The following ATL2 variants were observed in gnomAD, a reference collection of about 807,000 sequenced individuals.
ATL2 encodes atlastin GTPase 2.
Under a neutral mutation model 73.9 loss-of-function variants are expected in ATL2, and 31 were observed. The observed-to-expected ratio is 0.42, with a 90% confidence interval of 0.32 to 0.57. The LOEUF (loss-of-function observed/expected upper bound fraction) is 0.57. ATL2 is among the 20% of genes least tolerant of loss of function. ATL2 has a pLI of 0.14. For synonymous variants in ATL2, 291 were observed against 237.5 expected (o/e 1.23, Z -2.07); for missense variants, 738 against 702.6 (o/e 1.05, Z -0.57).
intron 1 of ATL2, among the ~76,000 whole-genome samples, chr2:38,359,947 G>A (rs1670908389): frequency 1.3e-5 from 2 of 151,868 alleles, no homozygotes; most frequent in African/African-American, 4.8e-5. Flanking sequence ...GGCCAATATG[G>A]TGAAACCCCG....
At chr2:38,344,599 G>T (rs559449054) in intron 1 of ATL2, among the ~76,000 whole-genome samples, 21 of 152,192 alleles carry the variant, frequency 1.4e-4, no homozygotes, top group African/African-American at 4.8e-4. Context: ...AACAGAGTGA[G>T]TCTCAGTCTC....
chr2:38,301,239 G>A (rs1292615236), intron 9 of ATL2, among the ~76,000 whole-genome samples: 1 of 152,126 alleles, frequency 6.6e-6, no homozygotes, highest in African/African-American at 2.4e-5. Flanking sequence ...CAAAGTGCTG[G>A]GATTACAGGC....
At chr2:38,372,862 A>G (rs190690481) in intron 1 of ATL2, among the ~76,000 whole-genome samples, 1 of 152,220 alleles carries the variant, frequency 6.6e-6, no homozygotes, top group Non-Finnish European at 1.5e-5. Context: ...ACATATTATC[A>G]GCATTTTACA....
chr2:38,363,338 C>T (rs936375575), intron 1 of ATL2, among the ~76,000 whole-genome samples: 2 of 146,626 alleles, frequency 1.4e-5, no homozygotes. Flanking sequence ...CTGAAAAAAG[C>T]TACCAAAAAT....
In ATL2 at chr2:38,295,933, G is replaced by C; in HGVS notation, c.*61C>G. On this transcript the variant is annotated 3_prime_UTR_variant, in exon 13 of 13. Transcript: ENST00000378954. Reference sequence around the variant, plus strand: ...TAAACTTTGGTTTATTTTTATTTGAGTTCTCATTGTACAGCAAGCATGAAA... The same window carrying C: ...TAAACTTTGGTTTATTTTTATTTGACTTCTCATTGTACAGCAAGCATGAAA... 7.4e-7 allele frequency: 1 copy of C among 1,354,798 alleles called. No individual in the cohort carries two copies. The allele number at this position is 1,354,798 out of a possible 1,614,324, so 83.9% of individuals were successfully genotyped here.
chr2:38,342,367 G>C (rs1329498443), intron 2 of ATL2, among the ~76,000 whole-genome samples: 1 of 152,088 alleles, frequency 6.6e-6, no homozygotes, highest in Admixed American at 6.6e-5. Flanking sequence ...CATACAACCT[G>C]TACCATGAGT....
At chr2:38,370,870 G>A (rs944265507) in intron 1 of ATL2, among the ~76,000 whole-genome samples, 1 of 151,698 alleles carries the variant, frequency 6.6e-6, no homozygotes, top group African/African-American at 2.4e-5. Flanking sequence ...GGCGGGGGTG[G>A]GGGGTGCACC....
intron 1 of ATL2, among the ~76,000 whole-genome samples, chr2:38,363,249 A>G (rs923395405): frequency 2.0e-5 from 3 of 152,134 alleles, no homozygotes; most frequent in Non-Finnish European, 2.9e-5. Flanking sequence ...CCAAACTGTT[A>G]GCATCTTTAT....
intron 1 of ATL2, among the ~76,000 whole-genome samples, chr2:38,363,046 C>T (rs1671100372): frequency 6.6e-6 from 1 of 152,114 alleles, no homozygotes; most frequent in South Asian, 2.1e-4. Flanking sequence ...CACAGAGTGC[C>T]GACTATGTGC....
intron 1 of ATL2, among the ~76,000 whole-genome samples, chr2:38,348,844 C>G (rs1345159193): frequency 6.6e-6 from 1 of 152,026 alleles, no homozygotes; most frequent in African/African-American, 2.4e-5. Context: ...CAAACAACCC[C>G]ATCAAAAAGT....
chr2:38,307,274 C>G (rs961455349), intron 9 of ATL2, among the ~76,000 whole-genome samples: 2 of 152,066 alleles, frequency 1.3e-5, no homozygotes, highest in African/African-American at 2.4e-5. Context: ...AACCTTTTAA[C>G]TTGATAATGT....
Position 38,303,059 on chromosome 2 carries a change from CAAAG to C in ATL2, c.1072-2735_1072-2732del, listed in dbSNP as rs896042803. On this transcript the variant is annotated intron_variant, in intron 9 of 12. Transcript: ENST00000378954. ...TCAAAATAGCAGTTTTGAGGAAACTCAAAGAAATTCAAGATAACACAGAGAAGGA... is the reference window on the plus strand; with the variant it reads ...TCAAAATAGCAGTTTTGAGGAAACTCAAATTCAAGATAACACAGAGAAGGA... Among the ~76,000 whole-genome samples the C allele has an allele frequency of 3.7e-4, 57 of 152,058 alleles. 3 individuals carry two copies.
At chr2:38,323,823 G>C (rs540409041) in intron 2 of ATL2, among the ~76,000 whole-genome samples, 3 of 152,122 alleles carry the variant, frequency 2.0e-5, no homozygotes, top group African/African-American at 7.2e-5. Context: ...TGATCAAAGG[G>C]TTGGTTGTCC....
In ATL2 at chr2:38,314,599, CT is replaced by C; in HGVS notation, c.711+8del. ...GCTAATCTTTAAAATGTTAGAATAA[CT>C]TTTTTACCTGAAATGGTTTCTGGTA... On this transcript the variant is annotated splice_region_variant and intron_variant, in intron 6 of 12. Coordinates refer to ENST00000378954, the MANE Select transcript of ATL2 (RefSeq NM_001135673.4). 1 of 1,589,274 alleles carries C rather than the reference CT, an allele frequency of 6.3e-7. No individual in the cohort carries two copies. The highest frequency in any genetic ancestry group is 8.6e-7 in the Non-Finnish European group (1 of 1,158,576).
At chr2:38,343,853 G>A (rs561406218) in intron 1 of ATL2, among the ~76,000 whole-genome samples, 1 of 152,228 alleles carries the variant, frequency 6.6e-6, no homozygotes, top group Non-Finnish European at 1.5e-5. Flanking sequence ...TAAGTCTCAC[G>A]AAATTTGATG....
chr2:38,377,025 G>C (rs945860942), intron 1 of ATL2, 118 bp downstream of exon 1: 1 of 811,428 alleles, frequency 1.2e-6, no homozygotes, highest in Non-Finnish European at 1.8e-6. Context: ...GGCGGCGGGA[G>C]GAGACCTGAA....
chr2:38,334,441 C>T (rs538699416), intron 2 of ATL2, among the ~76,000 whole-genome samples: 2 of 151,888 alleles, frequency 1.3e-5, no homozygotes, highest in Admixed American at 6.6e-5. Context: ...GTGGCTCACA[C>T]CTGTAATCCC....
In ATL2 at chr2:38,325,683, CACACACACACACCAGT is replaced by C. The variant is rs1558411901; in HGVS notation, c.364-6680_364-6665del. 3.3e-4 allele frequency among the ~76,000 whole-genome samples: 25 copies of C among 76,844 alleles called. 1 individual carries two copies. Among genetic ancestry groups the C allele is most frequent in the African/African-American group, 2.4e-3 (20 of 8,428 alleles). 50.4% of individuals were successfully genotyped at this position (76,844 alleles called of 152,430 possible). The stretch of plus-strand genomic sequence containing the variant: ...CAGTACACACACACACACACACACA[CACACACACACACCAGT>C]ACACACACACACACACACACACACA... On this transcript the variant is annotated intron_variant, in intron 2 of 12. Coordinates refer to ENST00000378954, the MANE Select transcript of ATL2 (RefSeq NM_001135673.4).
At chr2:38,376,612 C>G (rs928081823) in intron 1 of ATL2, 1 of 153,946 alleles carries the variant, frequency 6.5e-6, no homozygotes, top group Non-Finnish European at 1.4e-5. Flanking sequence ...AAGGAGCTTT[C>G]GGACCCGGCA....
Sources: gnomAD v4.1 joint callset for allele counts (sites outside exome capture counted in the v4.1 genomes callset) on GRCh38, gnomAD v4.1.1 for gene constraint, MANE v1.5 for transcripts, NCBI Gene and HGNC (gene_info 2026-07-23, HGNC 2026-07-21) for gene names.